The following ANKRD36 variants were observed in gnomAD, a reference collection of about 807,000 sequenced individuals.
ANKRD36 encodes the protein ankyrin repeat domain 36.
ANKRD36 carries 179 observed loss-of-function variants against 278.1 expected under a neutral mutation model. That is an observed-to-expected ratio of 0.64 (90% CI 0.57 to 0.73). The LOEUF (loss-of-function observed/expected upper bound fraction) is 0.73, where lower values mean the gene tolerates loss of function less well. ANKRD36 is among the 30% of genes least tolerant of loss of function. The probability of loss-of-function intolerance (pLI) is 0.00; values close to 1 mark genes in which losing one functional copy is unlikely to be tolerated. For missense variants in ANKRD36, 1,159 were observed against 1,956.7 expected, an observed-to-expected ratio of 0.59 and a Z score of 7.69; for synonymous variants, 320 against 641.1, an observed-to-expected ratio of 0.50 and a Z score of 7.57.
At chr2:97,179,966 C>T (rs762251319) in intron 24 of ANKRD36, 33 bp downstream of exon 24, 13 of 1,602,106 alleles carry the variant, frequency 8.1e-6, no homozygotes, top group Middle Eastern at 1.7e-4. Context: ...ATGTCATGTT[C>T]AATCAAGATG....
At chr2:97,210,754 A>G (rs1340194752) in intron 56 of ANKRD36, among the ~76,000 whole-genome samples, 2 of 151,896 alleles carry the variant, frequency 1.3e-5, no homozygotes, top group African/African-American at 4.8e-5. Context: ...GTCATTTTCA[A>G]TGAATATTGC....
rs192731212 is a variant in ANKRD36 at position 97,201,171 on chromosome 2, C to T, written c.2857+646C>T. On this transcript the variant is annotated intron_variant, in intron 46 of 75. Transcript: ENST00000420699. ...GAATTGGCATAAAAACACAATAACT[C>T]ATTACTCCTCTTTGTTACTACTAGG... Among the ~76,000 whole-genome samples, 69 of 151,988 alleles carry T rather than the reference C, an allele frequency of 4.5e-4. No individual in the cohort carries two copies. In the East Asian group the frequency reaches 0.01, roughly 22 times the overall value.
intron 50 of ANKRD36, 29 bp downstream of exon 50, chr2:97,204,292 G>T: frequency 6.5e-7 from 1 of 1,537,598 alleles, no homozygotes; most frequent in Non-Finnish European, 8.8e-7. Flanking sequence ...TTAATGTCAT[G>T]TTCAGTGCAG....
At chr2:97,160,890 A>AT in intron 17 of ANKRD36, among the ~76,000 whole-genome samples, 1 of 152,126 alleles carries the variant, frequency 6.6e-6, no homozygotes, top group East Asian at 1.9e-4. Context: ...CATTAAGTTC[A>AT]AAAGTGCAGA....
rs1334100627 is a variant in ANKRD36 at position 97,149,369 on chromosome 2, A to G, written c.1101+8A>G. On this transcript the variant is annotated splice_region_variant and intron_variant, in intron 12 of 75. Coordinates refer to ENST00000420699, the MANE Select transcript of ANKRD36 (RefSeq NM_001354587.1). The stretch of plus-strand genomic sequence containing the variant: ...TTTTCTTTGGAATCTGAGGTAGAGT[A>G]CTCTCTTGTGAAATTAATTTTCTCC... 6.6e-6 allele frequency: 10 copies of G among 1,521,460 alleles called. No homozygotes were observed. The East Asian group carries it at 7.5e-5, about 11-fold the overall frequency. The allele number at this position is 1,521,460 out of a possible 1,614,324, so 94.2% of individuals were successfully genotyped here.
At chr2:97,230,475 G>A (rs1254829825) in intron 67 of ANKRD36, among the ~76,000 whole-genome samples, 1 of 152,094 alleles carries the variant, frequency 6.6e-6, no homozygotes, top group Non-Finnish European at 1.5e-5. Flanking sequence ...TCGAGCCTCG[G>A]CTTTCAGCTT....
At chr2:97,231,997 A>G (rs1254202557) in intron 67 of ANKRD36, among the ~76,000 whole-genome samples, 1 of 151,982 alleles carries the variant, frequency 6.6e-6, no homozygotes, top group Non-Finnish European at 1.5e-5. Context: ...TGAATTATTC[A>G]AGTTTAGTCC....
chr2:97,177,258 T>TCTG (rs2054547275), intron 22 of ANKRD36, among the ~76,000 whole-genome samples: 1 of 151,880 alleles, frequency 6.6e-6, no homozygotes, highest in Non-Finnish European at 1.5e-5. Flanking sequence ...CTGCCCAAGG[T>TCTG]AATTTACAGA....
intron 22 of ANKRD36, among the ~76,000 whole-genome samples, chr2:97,170,319 A>G (rs1240365952): frequency 6.6e-6 from 1 of 152,034 alleles, no homozygotes; most frequent in Non-Finnish European, 1.5e-5. Context: ...ACAAGGCTAC[A>G]GTAACCAAAA....
intron 20 of ANKRD36, among the ~76,000 whole-genome samples, chr2:97,165,197 A>G (rs2050300513): frequency 6.6e-6 from 1 of 152,226 alleles, no homozygotes; most frequent in Admixed American, 6.5e-5. Context: ...GTTTCCAAGT[A>G]TCAAGTCTTC....
At chr2:97,136,091 C>T (rs1465350271) in intron 6 of ANKRD36, among the ~76,000 whole-genome samples, 1 of 150,990 alleles carries the variant, frequency 6.6e-6, no homozygotes, top group Non-Finnish European at 1.5e-5. Flanking sequence ...TTGGGACTTC[C>T]AGCCCCACCC....
intron 24 of ANKRD36, 27 bp downstream of exon 24, chr2:97,179,960 C>T: frequency 1.2e-6 from 2 of 1,602,642 alleles, no homozygotes; most frequent in Non-Finnish European, 8.5e-7. Flanking sequence ...CATCTAATGT[C>T]ATGTTCAATC....
At chr2:97,194,594 A>G in intron 38 of ANKRD36, 132 bp from the exon 39 acceptor site, 1 of 1,515,136 alleles carries the variant, frequency 6.6e-7, no homozygotes, top group Non-Finnish European at 8.9e-7. Context: ...GTCCCCAGAC[A>G]GAAAGTAGAA....
At chr2:97,175,481 C>A (rs2053955436) in intron 22 of ANKRD36, among the ~76,000 whole-genome samples, 2 of 151,800 alleles carry the variant, frequency 1.3e-5, no homozygotes, top group African/African-American at 4.8e-5. Context: ...TCCCCTTTAT[C>A]ATTTTTTATT....
rs1383801093 is a variant in ANKRD36, at chr2:97,140,630, G to A, written c.800-2010G>A. The stretch of plus-strand genomic sequence containing the variant: ...TCTATGGGAGAGAGGAAGCCATGGG[G>A]CTGCTTTTGTGAAGAAGGAATTTGT... On this transcript the variant is annotated intron_variant, in intron 6 of 75. Coordinates refer to ENST00000420699, the MANE Select transcript of ANKRD36 (RefSeq NM_001354587.1). 3.0e-4 allele frequency among the ~76,000 whole-genome samples: 45 copies of A among 151,996 alleles called. 1 individual carries two copies. Among genetic ancestry groups the A allele is most frequent in the Admixed American group, 2.9e-3 (44 of 15,206 alleles).
intron 11 of ANKRD36, among the ~76,000 whole-genome samples, chr2:97,148,278 A>G (rs1220480720): frequency 6.6e-6 from 1 of 152,306 alleles, no homozygotes; most frequent in African/African-American, 2.4e-5. Flanking sequence ...CTTGGGGTGG[A>G]TGACTGAGAC....
chr2:97,149,233 G>A (rs1048790654), intron 11 of ANKRD36, 62 bp from the exon 12 acceptor site: 34 of 1,407,804 alleles, frequency 2.4e-5, no homozygotes, highest in Middle Eastern at 3.5e-4. Flanking sequence ...ATAGACTGAC[G>A]GTTTTTGTTT....
intron 64 of ANKRD36, 64 bp downstream of exon 64, chr2:97,217,436 G>C: frequency 6.5e-7 from 1 of 1,545,860 alleles, no homozygotes. Flanking sequence ...TCCCACCCCT[G>C]AATAGATCAG....
At chr2:97,192,389 A>G (rs1228230178) in intron 36 of ANKRD36, among the ~76,000 whole-genome samples, 1 of 151,746 alleles carries the variant, frequency 6.6e-6, no homozygotes, top group East Asian at 2.0e-4. Context: ...CTGAAGTGTC[A>G]TCATAATTGT....
Sources: allele counts gnomAD v4.1 joint callset (sites outside exome capture counted in the v4.1 genomes callset), GRCh38; gene constraint gnomAD v4.1.1; transcripts MANE v1.5; gene names NCBI Gene and HGNC (gene_info 2026-07-23, HGNC 2026-07-21).